HS3ST5: variants seen among roughly 807,000 people sequenced by gnomAD.
HS3ST5 encodes heparan sulfate glucosamine 3-O-sulfotransferase 5.
HS3ST5 carries 10 observed loss-of-function variants against 25.4 expected under a neutral mutation model. The ratio of observed to expected loss-of-function variants is 0.39; its 90% CI spans 0.24 to 0.67. The LOEUF is 0.67. Among genes scored for constraint, HS3ST5 ranks in the 30% least tolerant of loss-of-function variants. The pLI, the probability that HS3ST5 is intolerant of heterozygous loss-of-function variation, is 0.44. For synonymous variants in HS3ST5, 170 were observed against 162.4 expected, an observed-to-expected ratio of 1.05 and a Z score of -0.36; for missense variants, 324 against 420.7, an observed-to-expected ratio of 0.77 and a Z score of 2.01.
intron 1 of HS3ST5, among the ~76,000 whole-genome samples, chr6:114,311,125 G>A (rs1226706862): frequency 6.6e-5 from 10 of 152,098 alleles, no homozygotes; most frequent in East Asian, 3.9e-4. Flanking sequence ...TGTTAATAAT[G>A]ACAAAAATAA....
chr6:114,190,165 C>G (rs912917455), intron 2 of HS3ST5, among the ~76,000 whole-genome samples: 20 of 152,160 alleles, frequency 1.3e-4, no homozygotes, highest in Non-Finnish European at 1.5e-5. Context: ...AGTCATGGAA[C>G]AAAACTTCAG....
At chr6:114,262,779 A>C (rs1773236867) in intron 1 of HS3ST5, among the ~76,000 whole-genome samples, 1 of 152,192 alleles carries the variant, frequency 6.6e-6, no homozygotes, top group Non-Finnish European at 1.5e-5. Context: ...AATGCATGGG[A>C]GACTATGAAC....
intron 3 of HS3ST5, among the ~76,000 whole-genome samples, chr6:114,107,837 AT>A (rs1294546630): frequency 6.6e-6 from 1 of 152,240 alleles, no homozygotes; most frequent in African/African-American, 2.4e-5. Flanking sequence ...ATCGAGAGAA[AT>A]TAAAGATGCA....
chr6:114,307,223 C>T (rs1775333576), intron 1 of HS3ST5, among the ~76,000 whole-genome samples: 1 of 152,130 alleles, frequency 6.6e-6, no homozygotes, highest in South Asian at 2.1e-4. Flanking sequence ...TTACCTAGGG[C>T]AGGTTTGCTA....
chr6:114,145,620 A>G (rs946363063), intron 3 of HS3ST5, among the ~76,000 whole-genome samples: 1 of 152,188 alleles, frequency 6.6e-6, no homozygotes, highest in Non-Finnish European at 1.5e-5. Context: ...TAAAGGTTCA[A>G]TGAGAGTGGC....
In HS3ST5 at chr6:114,057,719, A is replaced by G. The variant is rs1772849518; in HGVS notation, c.579T>C (p.Tyr193=). 1.2e-5 allele frequency: 19 copies of G among 1,614,178 alleles called. No individual in the cohort carries two copies. The highest frequency in any genetic ancestry group is 6.7e-5 in the East Asian group (3 of 44,888). The part of the protein sequence containing the change: ...REPTTRAISD[Y]TQVLEGKERK... Reference sequence around the variant, plus strand: ...TCTCCTTCCCCTCTAGCACCTGAGTATAATCAGAAATAGCTCTTGTGGTTG... The same window carrying G: ...TCTCCTTCCCCTCTAGCACCTGAGTGTAATCAGAAATAGCTCTTGTGGTTG... The change falls in exon 5 of 5, where the codon TAT becomes TAC. Residue 193 remains tyrosine (Y), a synonymous_variant. Transcript: ENST00000312719.
At chr6:114,259,029 G>C (rs1773054386) in intron 1 of HS3ST5, among the ~76,000 whole-genome samples, 1 of 152,120 alleles carries the variant, frequency 6.6e-6, no homozygotes. Context: ...TATAAGACAT[G>C]CATGGGCCAT....
At chr6:114,275,763 T>C (rs1349575436) in intron 1 of HS3ST5, among the ~76,000 whole-genome samples, 2 of 151,996 alleles carry the variant, frequency 1.3e-5, no homozygotes, top group African/African-American at 2.4e-5. Flanking sequence ...AAATGTTATA[T>C]AATATTCACA....
chr6:114,171,224 A>G (rs151148663), intron 2 of HS3ST5, among the ~76,000 whole-genome samples: 1 of 152,348 alleles, frequency 6.6e-6, no homozygotes, highest in East Asian at 1.9e-4. Flanking sequence ...CACTGCTTTT[A>G]GCAAATGATT....
chr6:114,173,307 C>A (rs943795483), intron 2 of HS3ST5, among the ~76,000 whole-genome samples: 1 of 152,086 alleles, frequency 6.6e-6, no homozygotes, highest in Non-Finnish European at 1.5e-5. Flanking sequence ...CAGGCCACAA[C>A]ATTTTAAATT....
At chr6:114,186,077 CT>C (rs1443157578) in intron 2 of HS3ST5, among the ~76,000 whole-genome samples, 2 of 151,962 alleles carry the variant, frequency 1.3e-5, no homozygotes, top group African/African-American at 2.4e-5. Context: ...GCCATTCCCC[CT>C]ATCTCGCTTC....
Position 114,160,325 on chromosome 6 carries a change from T to TA in HS3ST5, c.-33+8025dup, listed in dbSNP as rs200893418. ...TAGTAGACATTGAATGGAGAACGAC[T>TA]AAAAAAAAATCTCTATCAAAGTGCT... On this transcript the variant is annotated intron_variant, in intron 3 of 4. Transcript: ENST00000312719. 3.3e-5 allele frequency among the ~76,000 whole-genome samples: 5 copies of TA among 150,954 alleles called. No individual in the cohort carries two copies. In the East Asian group the frequency reaches 5.8e-4, roughly 18 times the overall value.
At chr6:114,189,155 A>G (rs1780372926) in intron 2 of HS3ST5, among the ~76,000 whole-genome samples, 1 of 152,152 alleles carries the variant, frequency 6.6e-6, no homozygotes, top group Admixed American at 6.5e-5. Context: ...AGATATGTCT[A>G]CCTTCTGAAA....
intron 3 of HS3ST5, among the ~76,000 whole-genome samples, chr6:114,087,250 A>G (rs1774887031): frequency 6.6e-6 from 1 of 152,196 alleles, no homozygotes; most frequent in Non-Finnish European, 1.5e-5. Flanking sequence ...TTGCCCAGAC[A>G]TGCCAGGTAC....
chr6:114,142,898 C>T (rs1218517990), intron 3 of HS3ST5: 1 of 152,214 alleles, frequency 6.6e-6, no homozygotes, highest in East Asian at 1.9e-4. Context: ...TGCCTTAGTA[C>T]CACAGCAATT....
chr6:114,084,076 T>G, intron 3 of HS3ST5: 1 of 588,116 alleles, frequency 1.7e-6, no homozygotes, highest in Non-Finnish European at 3.0e-6. Flanking sequence ...CCTGATCATA[T>G]TTTCTTTTCT....
At chr6:114,074,563 C>T (rs191735961) in intron 3 of HS3ST5, among the ~76,000 whole-genome samples, 13 of 152,296 alleles carry the variant, frequency 8.5e-5, no homozygotes, top group Middle Eastern at 3.4e-3. Context: ...CCTCTCTATT[C>T]TGCCTTTTTA....
At chr6:114,122,300 C>A (rs1305654545) in intron 3 of HS3ST5, among the ~76,000 whole-genome samples, 1 of 152,194 alleles carries the variant, frequency 6.6e-6, no homozygotes, top group South Asian at 2.1e-4. Flanking sequence ...TCATCATTCA[C>A]ATAAGCATTC....
At chr6:114,247,441 A>C (rs1772433809) in intron 1 of HS3ST5, among the ~76,000 whole-genome samples, 1 of 152,204 alleles carries the variant, frequency 6.6e-6, no homozygotes, top group Non-Finnish European at 1.5e-5. Context: ...TAAACTCCAA[A>C]AAGCAGAAAA....
Sources: allele counts gnomAD v4.1 joint callset (sites outside exome capture counted in the v4.1 genomes callset), GRCh38; gene constraint gnomAD v4.1.1; transcripts MANE v1.5; gene names NCBI Gene and HGNC (gene_info 2026-07-23, HGNC 2026-07-21).